Variants in OGFOD3 observed in about 807,000 individuals in gnomAD.
The protein encoded by OGFOD3 is 2-oxoglutarate and iron-dependent oxygenase domain-containing protein 3.
Under a neutral mutation model 39.8 loss-of-function variants are expected in OGFOD3, and 35 were observed. The observed-to-expected ratio is 0.88, with a 90% CI of 0.67 to 1.17. OGFOD3 has a LOEUF of 1.17. Among genes scored for constraint, OGFOD3 ranks in the 50% most tolerant of loss-of-function variants. OGFOD3 has a pLI of 0.00. For synonymous variants in OGFOD3, 200 were observed against 192.0 expected (o/e 1.04, Z -0.34); for missense variants, 438 against 454.5 (o/e 0.96, Z 0.33).
intron 4 of OGFOD3, among the ~76,000 whole-genome samples, chr17:82,408,851 G>A (rs1360076408): frequency 1.3e-5 from 2 of 152,158 alleles, no homozygotes; most frequent in Non-Finnish European, 2.9e-5. Flanking sequence ...GGCTCCAGGT[G>A]AACACATTAT....
intron 4 of OGFOD3, among the ~76,000 whole-genome samples, chr17:82,408,582 G>A (rs1051531257): frequency 4.8e-5 from 7 of 146,682 alleles, no homozygotes; most frequent in East Asian, 2.2e-4. Context: ...GTCTAAAATC[G>A]AGGTGTGGGA....
rs2143243104 is a variant in OGFOD3 at position 82,404,036 on chromosome 17, T to C, written c.600A>G (p.Ala200=). 2 of 1,610,278 alleles carry C rather than the reference T, an allele frequency of 1.2e-6. No homozygotes were observed. Among genetic ancestry groups the C allele is most frequent in the African/African-American group, 1.3e-5 (1 of 75,038 alleles). ...TGGGCTTGGTCAGATGCAGCGAGGATGCGCTGATGCCAAAAGCCTCAGCAA... is the reference window on the plus strand; with the variant it reads ...TGGGCTTGGTCAGATGCAGCGAGGACGCGCTGATGCCAAAAGCCTCAGCAA... The part of the protein sequence containing the change: ...LTIAEAFGIS[A]SSLHLTKPTF... Residue 200 remains alanine (A), a synonymous_variant, in exon 7 of 9, where the codon GCA becomes GCG. Transcript: ENST00000313056. This position sits in a 1 kb window ranked among gnomAD's most constrained non-coding sequence, Gnocchi z 4.5.
intron 7 of OGFOD3, 84 bp from the exon 8 acceptor site, chr17:82,398,403 GTTTA>G (rs2052712825): frequency 7.2e-6 from 11 of 1,524,054 alleles, no homozygotes; most frequent in East Asian, 2.4e-5. Flanking sequence ...CTTATTTTTT[GTTTA>G]TTTATTTTTT....
Position 82,404,128 on chromosome 17 carries a change from C to A in OGFOD3, c.546-38G>T, listed in dbSNP as rs749647456. On this transcript the variant is annotated intron_variant, in intron 6 of 8. Coordinates refer to ENST00000313056, the MANE Select transcript of OGFOD3 (RefSeq NM_024648.3). The surrounding 1 kb of genome is among the most constrained non-coding windows in gnomAD (Gnocchi z 4.5). ...CAATAGCCGTCAGCGCAGCCCCAGG[C>A]GGGAGGGGACGCTCGTGGGTCCCAA... 5 of 1,525,762 alleles carry A rather than the reference C, an allele frequency of 3.3e-6. No homozygotes were observed. In the African/African-American group the frequency reaches 5.4e-5, roughly 17 times the overall value. 94.5% of individuals were successfully genotyped at this position (1,525,762 alleles called of 1,614,324 possible).
At chr17:82,412,889 C>T (rs923671848) in intron 2 of OGFOD3, among the ~76,000 whole-genome samples, 10 of 152,200 alleles carry the variant, frequency 6.6e-5, no homozygotes, top group African/African-American at 1.9e-4. Flanking sequence ...TGAGCCTGGA[C>T]GTGGAGCATC....
Position 82,404,184 on chromosome 17 carries a change from C to G in OGFOD3, c.546-94G>C. 4.3e-6 allele frequency: 6 copies of G among 1,385,754 alleles called. No individual in the cohort carries two copies. Among genetic ancestry groups the G allele is most frequent in the Non-Finnish European group, 5.7e-6 (6 of 1,045,748 alleles). The allele number at this position is 1,385,754 out of a possible 1,614,324, so 85.8% of individuals were successfully genotyped here. ...GGGTGGCAGGAAAGGAACCAGCCTT[C>G]GTACGGCTCCGGGCCCGCGGGGCGG... On this transcript the variant is annotated intron_variant, in intron 6 of 8. Coordinates refer to ENST00000313056, the MANE Select transcript of OGFOD3 (RefSeq NM_024648.3). This position sits in a 1 kb window ranked among gnomAD's most constrained non-coding sequence, Gnocchi z 4.5.
chr17:82,397,894 C>A lies in OGFOD3; in HGVS notation c.823+302G>T, dbSNP rs1445627241. 3.9e-5 allele frequency among the ~76,000 whole-genome samples: 6 copies of A among 151,924 alleles called. No individual in the cohort carries two copies. The South Asian group carries it at 1.2e-3, about 32-fold the overall frequency. ...GCACTCCAGAGGGGAGGGAGGGAGA[C>A]CCTGACCGCCAAGGTGACACACACC... On this transcript the variant is annotated intron_variant, in intron 8 of 8. Transcript: ENST00000313056.
intron 5 of OGFOD3, among the ~76,000 whole-genome samples, chr17:82,405,943 A>G (rs914098870): frequency 6.6e-6 from 1 of 152,072 alleles, no homozygotes; most frequent in East Asian, 1.9e-4. Context: ...GCAAGATTCC[A>G]TCTCAAAATA....
In OGFOD3 at chr17:82,398,203, C is replaced by A. The variant is rs768577705; in HGVS notation, c.816G>T (p.Pro272=). Residue 272 remains proline (P), a synonymous_variant, in exon 8 of 9, where the codon CCG becomes CCT. Transcript: ENST00000313056. ...MEEGANKTVE[P]RAGRVSFFTS... is the part of the protein sequence containing the mutation. ...CCCGCCCGCGCCTCCTACCAGCTCTCGGCTCCACCGTCTTGTTGGCACCCT... is the reference window on the plus strand; with the variant it reads ...CCCGCCCGCGCCTCCTACCAGCTCTAGGCTCCACCGTCTTGTTGGCACCCT... The A allele has an allele frequency of 1.2e-6, 2 of 1,613,900 alleles. No homozygotes were observed. The highest frequency in any genetic ancestry group is 8.5e-7 in the Non-Finnish European group (1 of 1,179,972).
Position 82,389,414 on chromosome 17 carries a change from G to C in OGFOD3, c.*2984C>G, listed in dbSNP as rs958308451. ...CCCGACACTTTCATCAGGTTCACGA[G>C]CACTTCTTGGGCAAAGCCCAGGGTG... On this transcript the variant is annotated 3_prime_UTR_variant, in exon 9 of 9. Coordinates refer to ENST00000313056, the MANE Select transcript of OGFOD3 (RefSeq NM_024648.3). The surrounding 1 kb of genome is among the most constrained non-coding windows in gnomAD (Gnocchi z 4.6). The C allele has an allele frequency of 2.0e-5, 3 of 152,214 alleles. No individual in the cohort carries two copies. Among genetic ancestry groups the C allele is most frequent in the Non-Finnish European group, 2.9e-5 (2 of 68,036 alleles). The allele number at this position is 152,214 out of a possible 1,614,324, so 9.4% of individuals were successfully genotyped here. A position where few individuals can be genotyped will look rare whatever the true frequency, so the allele number is the denominator to read the frequency against.
intron 1 of OGFOD3, among the ~76,000 whole-genome samples, chr17:82,417,924 C>G (rs1432855586): frequency 3.3e-5 from 5 of 152,190 alleles, no homozygotes; most frequent in Non-Finnish European, 7.3e-5. Context: ...TACCTGCAAA[C>G]CAATGATCAC....
intron 7 of OGFOD3, among the ~76,000 whole-genome samples, chr17:82,402,965 C>T (rs1161412754): frequency 6.6e-6 from 1 of 152,128 alleles, no homozygotes; most frequent in Non-Finnish European, 1.5e-5. Flanking sequence ...CAGGCTGAGG[C>T]AGCAGGATGG....
chr17:82,398,452 TG>T lies in OGFOD3; in HGVS notation c.700-134del. On this transcript the variant is annotated intron_variant, in intron 7 of 8. Coordinates refer to ENST00000313056, the MANE Select transcript of OGFOD3 (RefSeq NM_024648.3). ...TCTTGCTCCATCACCCAGGCTGGAG[TG>T]CAGTGATGCGATCTCGGCTCACTGC... 5.7e-6 allele frequency: 6 copies of T among 1,044,282 alleles called. No individual in the cohort carries two copies. In the South Asian group the frequency reaches 9.7e-5, roughly 17 times the overall value. 64.7% of individuals were successfully genotyped at this position (1,044,282 alleles called of 1,614,324 possible). A position where few individuals can be genotyped will look rare whatever the true frequency, so the allele number is the denominator to read the frequency against.
chr17:82,418,077 G>A (rs1256001589), intron 1 of OGFOD3, among the ~76,000 whole-genome samples: 1 of 152,222 alleles, frequency 6.6e-6, no homozygotes, highest in South Asian at 2.1e-4. Context: ...CAGGCTGCTG[G>A]GTGGGTTATT....
chr17:82,395,794 C>A lies in OGFOD3; in HGVS notation c.823+2402G>T, dbSNP rs141791993. Reference sequence around the variant, plus strand: ...CGAGATCGCACCACTGCACTCCAGCCTGGGCGACAGAGCGAGACTCCGTCT... The same window carrying A: ...CGAGATCGCACCACTGCACTCCAGCATGGGCGACAGAGCGAGACTCCGTCT... On this transcript the variant is annotated intron_variant, in intron 8 of 8. Coordinates refer to ENST00000313056, the MANE Select transcript of OGFOD3 (RefSeq NM_024648.3). Among the ~76,000 whole-genome samples, 1,139 of 152,290 alleles carry A rather than the reference C, an allele frequency of 7.5e-3. 10 individuals are homozygous for A. The highest frequency in any genetic ancestry group is 0.024 in the African/African-American group (1,000 of 41,548).
intron 8 of OGFOD3, among the ~76,000 whole-genome samples, chr17:82,396,292 CAATT>C (rs1187898491): frequency 2.8e-5 from 3 of 105,892 alleles, no homozygotes; most frequent in African/African-American, 8.8e-5. Flanking sequence ...TAGATACACA[CAATT>C]AGACAGATGT....
chr17:82,392,619 C>G lies in OGFOD3; in HGVS notation c.824-85G>C. ...GAGGGTCTGCGGTCACCTGAAAGAGCAACTATAACCAATCAACACAACCAA... is the reference window on the plus strand; with the variant it reads ...GAGGGTCTGCGGTCACCTGAAAGAGGAACTATAACCAATCAACACAACCAA... On this transcript the variant is annotated intron_variant, in intron 8 of 8. Coordinates refer to ENST00000313056, the MANE Select transcript of OGFOD3 (RefSeq NM_024648.3). The surrounding 1 kb of genome is among the most constrained non-coding windows in gnomAD (Gnocchi z 4.2). The G allele has an allele frequency of 4.2e-6, 6 of 1,444,414 alleles. No individual in the cohort carries two copies. Among genetic ancestry groups the G allele is most frequent in the Non-Finnish European group, 5.6e-6 (6 of 1,076,318 alleles). The allele number at this position is 1,444,414 out of a possible 1,614,324, so 89.5% of individuals were successfully genotyped here. A position where few individuals can be genotyped will look rare whatever the true frequency, so the allele number is the denominator to read the frequency against.
intron 3 of OGFOD3, 123 bp from the exon 4 acceptor site, chr17:82,409,533 T>C: frequency 2.3e-6 from 2 of 861,364 alleles, no homozygotes. Context: ...ATGTTTATGA[T>C]GTAAACAAAT....
At chr17:82,400,557 T>C (rs1034382612) in intron 7 of OGFOD3, 2 of 152,168 alleles carry the variant, frequency 1.3e-5, no homozygotes, top group African/African-American at 4.8e-5. Context: ...TTCGTTTTTA[T>C]ACACACAGAG....
Sources: allele counts gnomAD v4.1 joint callset (sites outside exome capture counted in the v4.1 genomes callset), GRCh38; gene constraint gnomAD v4.1.1; non-coding constraint Gnocchi (gnomAD v3.1); transcripts MANE v1.5; gene names NCBI Gene and HGNC (gene_info 2026-07-23, HGNC 2026-07-21).